The following BSPRY variants were observed in gnomAD, a reference collection of about 807,000 sequenced individuals.
The protein encoded by BSPRY is B box and SPRY domain-containing protein.
BSPRY carries 33 observed loss-of-function variants against 38.0 expected under a neutral mutation model. The ratio of observed to expected loss-of-function variants is 0.87; its 90% confidence interval spans 0.66 to 1.16. The LOEUF (loss-of-function observed/expected upper bound fraction) is 1.16, where lower values mean the gene tolerates loss of function less well. Ranked by LOEUF, BSPRY falls within the 50% of genes most tolerant of loss-of-function variation. The pLI, the probability that BSPRY is intolerant of heterozygous loss-of-function variation, is 0.00. For synonymous variants in BSPRY, 224 were observed against 228.5 expected (o/e 0.98, Z 0.18); for missense variants, 523 against 533.2 (o/e 0.98, Z 0.19).
chr9:113,368,781 TAC>T (rs1564346223), intron 5 of BSPRY, among the ~76,000 whole-genome samples: 1 of 152,210 alleles, frequency 6.6e-6, no homozygotes, highest in Non-Finnish European at 1.5e-5. Context: ...TTATTCACTT[TAC>T]ACACACTGAC....
intron 1 of BSPRY, among the ~76,000 whole-genome samples, chr9:113,350,544 T>A (rs781556275): frequency 1.3e-5 from 2 of 152,042 alleles, no homozygotes; most frequent in Non-Finnish European, 2.9e-5. Flanking sequence ...CTGCTGAGAT[T>A]GGGAGAGTCG....
chr9:113,355,521 C>T (rs1834043154), intron 2 of BSPRY, among the ~76,000 whole-genome samples: 1 of 152,140 alleles, frequency 6.6e-6, no homozygotes, highest in Non-Finnish European at 1.5e-5. Flanking sequence ...CTGCCCTCTT[C>T]CCCTCTTCTT....
chr9:113,364,446 C>T (rs1460665561), intron 4 of BSPRY, among the ~76,000 whole-genome samples: 1 of 152,138 alleles, frequency 6.6e-6, no homozygotes, highest in Non-Finnish European at 1.5e-5. Context: ...TTATCTTTGT[C>T]ATCTTCCTTT....
Position 113,362,174 on chromosome 9 carries a change from G to GGTGGGTGT in BSPRY, c.532-192_532-191insGGTGTGTG, listed in dbSNP as rs368410256. Among the ~76,000 whole-genome samples the GGTGGGTGT allele has an allele frequency of 4.5e-4, 63 of 141,344 alleles. No individual in the cohort carries two copies. In the East Asian group the frequency reaches 6.9e-3, roughly 16 times the overall value. 92.7% of individuals were successfully genotyped at this position (141,344 alleles called of 152,430 possible). On this transcript the variant is annotated intron_variant, in intron 3 of 5. Coordinates refer to ENST00000374183, the MANE Select transcript of BSPRY (RefSeq NM_017688.3). ...TGATTCATTCTGAGCATGTGTTATG[G>GGTGGGTGT]GTGTGTGTGTGTGTGTGTGTGTGTG... is the stretch of plus-strand genomic sequence containing the variant.
At chr9:113,368,221 C>A in intron 4 of BSPRY, 38 bp from the exon 5 acceptor site, 1 of 1,605,190 alleles carries the variant, frequency 6.2e-7, no homozygotes, top group Non-Finnish European at 8.5e-7. Context: ...ATTTCCAGAA[C>A]CATCCTGAAT....
chr9:113,368,023 G>A (rs773726146), intron 4 of BSPRY, among the ~76,000 whole-genome samples: 1 of 152,048 alleles, frequency 6.6e-6, no homozygotes. Flanking sequence ...TAGAGATGGA[G>A]TCTTATTATG....
intron 1 of BSPRY, among the ~76,000 whole-genome samples, chr9:113,352,984 C>T (rs1310703297): frequency 6.6e-6 from 1 of 152,146 alleles, no homozygotes; most frequent in Non-Finnish European, 1.5e-5. Context: ...GATGGTGCTG[C>T]TTAATGAATG....
intron 1 of BSPRY, among the ~76,000 whole-genome samples, chr9:113,351,831 C>T (rs1007703835): frequency 1.3e-5 from 2 of 152,004 alleles, no homozygotes; most frequent in Non-Finnish European, 2.9e-5. Context: ...TTGAGACAGT[C>T]TCACTCTGTC....
rs1834327830 is a variant in BSPRY at position 113,370,356 on chromosome 9, T to C, written c.*214T>C. On this transcript the variant is annotated 3_prime_UTR_variant, in exon 6 of 6. Coordinates refer to ENST00000374183, the MANE Select transcript of BSPRY (RefSeq NM_017688.3). The surrounding 1 kb of genome is among the most constrained non-coding windows in gnomAD (Gnocchi z 4.8). Reference sequence around the variant, plus strand: ...AACTTTTGGCTTCCCTGGGCCACATTTGAAGAAGAATTTTCTTGGGCCACA... The same window carrying C: ...AACTTTTGGCTTCCCTGGGCCACATCTGAAGAAGAATTTTCTTGGGCCACA... 2.3e-6 allele frequency: 1 copy of C among 443,146 alleles called. No homozygotes were observed. Among genetic ancestry groups the C allele is most frequent in the Non-Finnish European group, 3.8e-6 (1 of 261,756 alleles). 27.5% of individuals were successfully genotyped at this position (443,146 alleles called of 1,614,324 possible).
At position 113,370,129 on chromosome 9, in the gene BSPRY, C is replaced by T; in HGVS notation, c.1196C>T (p.Ser399Phe). 6.4e-7 allele frequency: 1 copy of T among 1,569,380 alleles called. No homozygotes were observed. Among genetic ancestry groups the T allele is most frequent in the Non-Finnish European group, 8.6e-7 (1 of 1,157,660 alleles). Residue 399 changes from serine to phenylalanine, a missense_variant, in exon 6 of 6, where the codon TCT becomes TTT. By Grantham distance (155) the Ser-to-Phe change is radical (BLOSUM62 -2). Transcript: ENST00000374183. This position sits in a 1 kb window ranked among gnomAD's most constrained non-coding sequence, Gnocchi z 4.8. ...PVFAVADQTI[S>F]IVR ...TTTGCTGTGGCCGATCAGACCATTT[C>T]TATCGTCCGCTGACCTCTGGCCACA...
Position 113,360,543 on chromosome 9 carries a change from C to A in BSPRY, c.337C>A (p.Arg113=). 22 of 1,605,602 alleles carry A rather than the reference C, an allele frequency of 1.4e-5. No individual in the cohort carries two copies. Among genetic ancestry groups the A allele is most frequent in the Non-Finnish European group, 1.9e-5 (22 of 1,177,608 alleles). The part of the protein sequence containing the change: ...ASAARELVIQ[R]LSLVRSLCES... Reference sequence around the variant, plus strand: ...TGCAGCGAGGGAACTGGTTATCCAGCGGTTGAGTCTGGTGAGGAGTCTTTG... The same window carrying A: ...TGCAGCGAGGGAACTGGTTATCCAGAGGTTGAGTCTGGTGAGGAGTCTTTG... The change falls in exon 3 of 6, where the codon CGG becomes AGG. Residue 113 remains arginine, a synonymous_variant. Transcript: ENST00000374183.
chr9:113,369,954 C>T lies in BSPRY; in HGVS notation c.1021C>T (p.Gln341Ter). The T allele has an allele frequency of 6.2e-7, 1 of 1,614,184 alleles. No homozygotes were observed. The highest frequency in any genetic ancestry group is 8.5e-7 in the Non-Finnish European group (1 of 1,180,034). The change falls in exon 6 of 6, where the codon CAG becomes TAG. Residue 341 changes from glutamine to a stop codon, truncating the protein, a stop_gained. Coordinates refer to ENST00000374183, the MANE Select transcript of BSPRY (RefSeq NM_017688.3). LOFTEE classifies it high-confidence loss of function. The stretch of plus-strand genomic sequence containing the variant: ...GGAGTTTCGTTTCTCACACAATGGG[C>T]AGCACGAGCCCCTGGGGCTGCTGCG... ...DQEFRFSHNG[Q>*]HEPLGLLRGP...
intron 1 of BSPRY, among the ~76,000 whole-genome samples, chr9:113,352,457 A>T (rs1005734506): frequency 7.0e-6 from 1 of 142,944 alleles, no homozygotes; most frequent in Admixed American, 6.9e-5. Flanking sequence ...AAGAGATGAC[A>T]TCTGAATGCA....
intron 1 of BSPRY, among the ~76,000 whole-genome samples, chr9:113,353,734 A>G (rs1056159500): frequency 1.3e-5 from 2 of 152,152 alleles, no homozygotes; most frequent in East Asian, 1.9e-4. Flanking sequence ...AAATAAAAAT[A>G]AACACAAGAC....
intron 1 of BSPRY, among the ~76,000 whole-genome samples, chr9:113,353,158 C>T (rs10117906): frequency 0.55 from 82,518 of 151,362 alleles, 22,788 homozygotes; most frequent in South Asian, 0.64. Context: ...GGGGCTGAGG[C>T]GGGAGGATTG....
rs903776964 is a variant in BSPRY, at chr9:113,368,519, G to A, written c.682+136G>A. ...AACAAGTCATGCTGGATGCAGGCTG[G>A]TCAGTAGGGTCAAGGTTCCAGACAG... On this transcript the variant is annotated intron_variant, in intron 5 of 5. Transcript: ENST00000374183. 3.0e-5 allele frequency: 36 copies of A among 1,218,166 alleles called. No individual in the cohort carries two copies. In the African/African-American group the frequency reaches 5.2e-4, roughly 18 times the overall value. The allele number at this position is 1,218,166 out of a possible 1,614,324, so 75.5% of individuals were successfully genotyped here. A position where few individuals can be genotyped will look rare whatever the true frequency, so the allele number is the denominator to read the frequency against.
chr9:113,356,619 G>A (rs1834063838), intron 2 of BSPRY, among the ~76,000 whole-genome samples: 1 of 152,216 alleles, frequency 6.6e-6, no homozygotes, highest in Non-Finnish European at 1.5e-5. Flanking sequence ...TGGGAAACAA[G>A]TGTGGTCTGG....
intron 2 of BSPRY, among the ~76,000 whole-genome samples, chr9:113,355,913 G>A (rs188407012): frequency 1.1e-3 from 164 of 152,236 alleles, no homozygotes; most frequent in Middle Eastern, 3.4e-3. Context: ...ACTGTGCCTG[G>A]CCCGACAAAT....
intron 4 of BSPRY, among the ~76,000 whole-genome samples, chr9:113,366,200 A>G (rs2118928661): frequency 6.6e-6 from 1 of 152,110 alleles, no homozygotes; most frequent in Middle Eastern, 3.4e-3. Flanking sequence ...TACAGTGAGG[A>G]CTCCAGCCCC....
Sources: gnomAD v4.1 joint callset for allele counts (sites outside exome capture counted in the v4.1 genomes callset) on GRCh38, gnomAD v4.1.1 for gene constraint, Gnocchi (gnomAD v3.1) non-coding constraint, MANE v1.5 for transcripts, NCBI Gene and HGNC (gene_info 2026-07-23, HGNC 2026-07-21) for gene names.